The following CAPN13 variants were observed in gnomAD, a reference collection of about 807,000 sequenced individuals.
CAPN13 encodes calpain-13.
CAPN13 carries 90 observed loss-of-function variants against 98.4 expected under a neutral mutation model. The ratio of observed to expected loss-of-function variants is 0.92; its 90% confidence interval spans 0.77 to 1.09. The LOEUF (loss-of-function observed/expected upper bound fraction) is 1.09. Ranked by LOEUF, CAPN13 falls within the 50% of genes least tolerant of loss-of-function variation. The pLI, the probability that CAPN13 is intolerant of heterozygous loss-of-function variation, is 0.00. For synonymous variants in CAPN13, 330 were observed against 305.5 expected, an observed-to-expected ratio of 1.08 and a Z score of -0.84; for missense variants, 887 against 841.3, an observed-to-expected ratio of 1.05 and a Z score of -0.67.
chr2:30,800,273 A>G (rs187248951), intron 1 of CAPN13, among the ~76,000 whole-genome samples: 1 of 152,354 alleles, frequency 6.6e-6, no homozygotes, highest in African/African-American at 2.4e-5. Flanking sequence ...CTCTGGGTTC[A>G]GCACTGGAGC....
intron 2 of CAPN13, among the ~76,000 whole-genome samples, chr2:30,779,802 T>C (rs965274465): frequency 7.9e-5 from 12 of 152,068 alleles, no homozygotes; most frequent in Admixed American, 6.5e-4. Flanking sequence ...GCAAGATTAA[T>C]AAATAAATTG....
intron 6 of CAPN13, 125 bp from the exon 7 acceptor site, chr2:30,763,281 G>T: frequency 2.7e-6 from 2 of 748,718 alleles, no homozygotes; most frequent in Non-Finnish European, 4.4e-6. Context: ...CTGGTATATG[G>T]CCTGGAACTC....
chr2:30,749,398 G>C (rs981755032), intron 11 of CAPN13, among the ~76,000 whole-genome samples: 3 of 152,180 alleles, frequency 2.0e-5, no homozygotes, highest in Non-Finnish European at 4.4e-5. Flanking sequence ...TTCTCTCACT[G>C]TGAGGCCCTC....
chr2:30,736,675 C>A lies in CAPN13; in HGVS notation c.1654-104G>T, dbSNP rs941942992. On this transcript the variant is annotated intron_variant, in intron 17 of 22. Coordinates refer to ENST00000295055, the MANE Select transcript of CAPN13 (RefSeq NM_144575.3). ...GGCCCATTCATCACTAGCAACACAG[C>A]TGGTCCATTGTCACCTGGATGTGGC... 25 of 1,014,452 alleles carry A rather than the reference C, an allele frequency of 2.5e-5. No individual in the cohort carries two copies. The African/African-American group carries it at 3.0e-4, about 12-fold the overall frequency. The allele number at this position is 1,014,452 out of a possible 1,614,324, so 62.8% of individuals were successfully genotyped here. A position where few individuals can be genotyped will look rare whatever the true frequency, so the allele number is the denominator to read the frequency against.
intron 5 of CAPN13, among the ~76,000 whole-genome samples, chr2:30,767,564 T>C (rs1673173982): frequency 6.6e-6 from 1 of 152,196 alleles, no homozygotes; most frequent in African/African-American, 2.4e-5. Context: ...GAATCCGTAT[T>C]GAAAAGATAA....
chr2:30,806,543 C>G (rs575477078), intron 1 of CAPN13, among the ~76,000 whole-genome samples: 9 of 152,250 alleles, frequency 5.9e-5, no homozygotes, highest in Non-Finnish European at 1.0e-4. Context: ...GTTTGTGACC[C>G]AGGACAAATG....
intron 22 of CAPN13, 52 bp downstream of exon 22, chr2:30,730,678 A>T (rs1021964296): frequency 1.3e-6 from 1 of 774,378 alleles, no homozygotes; most frequent in Non-Finnish European, 2.4e-6. Context: ...TTAGAGGGGA[A>T]GGAGGACTCA....
chr2:30,745,083 C>T (rs532131692), intron 12 of CAPN13, among the ~76,000 whole-genome samples: 2 of 152,132 alleles, frequency 1.3e-5, no homozygotes, highest in African/African-American at 4.8e-5. Flanking sequence ...CATCTTGCTC[C>T]TCTCTTTCAT....
intron 1 of CAPN13, among the ~76,000 whole-genome samples, chr2:30,796,350 A>G (rs144615795): frequency 6.6e-6 from 1 of 151,846 alleles, no homozygotes; most frequent in East Asian, 1.9e-4. Context: ...ATCACGTACT[A>G]TGACAGTGCA....
chr2:30,797,990 G>T (rs1030842151), intron 1 of CAPN13, among the ~76,000 whole-genome samples: 85 of 152,344 alleles, frequency 5.6e-4, no homozygotes, highest in African/African-American at 2.0e-3. Flanking sequence ...GGATATGAAC[G>T]CAAAGGAAGA....
intron 1 of CAPN13, among the ~76,000 whole-genome samples, chr2:30,806,604 G>T (rs2148127606): frequency 6.6e-6 from 1 of 152,310 alleles, no homozygotes; most frequent in Middle Eastern, 3.4e-3. Flanking sequence ...GAAAATATCT[G>T]CACTTATTCT....
intron 17 of CAPN13, 153 bp downstream of exon 17, chr2:30,738,082 G>A: frequency 1.3e-6 from 1 of 741,852 alleles, no homozygotes; most frequent in Non-Finnish European, 2.4e-6. Context: ...GTATGTTAGT[G>A]AGTTAGTAGA....
intron 4 of CAPN13, among the ~76,000 whole-genome samples, chr2:30,770,954 T>C (rs1212161146): frequency 6.6e-6 from 1 of 152,106 alleles, no homozygotes; most frequent in Non-Finnish European, 1.5e-5. Flanking sequence ...GGAGGCACAC[T>C]GTGGGCAAAG....
At chr2:30,757,468 G>T (rs1214367314) in intron 8 of CAPN13, among the ~76,000 whole-genome samples, 1 of 152,188 alleles carries the variant, frequency 6.6e-6, no homozygotes, top group African/African-American at 2.4e-5. Flanking sequence ...TATATCCCAG[G>T]CGCCGAGTAC....
chr2:30,799,751 G>A (rs17010323), intron 1 of CAPN13, among the ~76,000 whole-genome samples: 28,468 of 148,958 alleles, frequency 0.19, 2,990 homozygotes, highest in African/African-American at 0.3. Context: ...ATGAAATGAA[G>A]GAAACCTCTC....
intron 2 of CAPN13, among the ~76,000 whole-genome samples, chr2:30,786,658 G>T (rs764201598): frequency 6.6e-6 from 1 of 152,148 alleles, no homozygotes; most frequent in East Asian, 1.9e-4. Context: ...AGAGAGGAGA[G>T]GTGATTATTT....
chr2:30,796,072 C>G (rs530821808), intron 1 of CAPN13, among the ~76,000 whole-genome samples: 1 of 150,522 alleles, frequency 6.6e-6, no homozygotes, highest in South Asian at 2.1e-4. Flanking sequence ...ACTTAATTTT[C>G]CCTCCCTTTT....
At chr2:30,766,347 C>A (rs940170350) in intron 5 of CAPN13, among the ~76,000 whole-genome samples, 1 of 152,214 alleles carries the variant, frequency 6.6e-6, no homozygotes, top group Non-Finnish European at 1.5e-5. Flanking sequence ...CAAAGGCACT[C>A]CCTGCCACTC....
intron 2 of CAPN13, among the ~76,000 whole-genome samples, chr2:30,783,727 T>C (rs918194629): frequency 6.6e-5 from 10 of 152,188 alleles, no homozygotes; most frequent in African/African-American, 2.4e-4. Flanking sequence ...AGGAGCTTTC[T>C]CATTGTCAGG....
Sources: allele counts gnomAD v4.1 joint callset (sites outside exome capture counted in the v4.1 genomes callset), GRCh38; gene constraint gnomAD v4.1.1; transcripts MANE v1.5; gene names NCBI Gene and HGNC (gene_info 2026-07-23, HGNC 2026-07-21).